EHMT1: variants seen among roughly 807,000 people sequenced by gnomAD.
EHMT1 encodes the protein euchromatic histone lysine methyltransferase 1.
In EHMT1, 15 loss-of-function variants were observed where a neutral mutation model predicts 147.2. The ratio of observed to expected loss-of-function variants is 0.10; its 90% CI spans 0.07 to 0.16. The LOEUF (loss-of-function observed/expected upper bound fraction) is 0.16. Ranked by LOEUF, EHMT1 falls within the 10% of genes least tolerant of loss-of-function variation. EHMT1 has a pLI of 1.00. For synonymous variants in EHMT1, 795 were observed against 709.6 expected (o/e 1.12, Z -1.91); for missense variants, 1,587 against 1,772.4 (o/e 0.90, Z 1.88).
intron 1 of EHMT1, among the ~76,000 whole-genome samples, chr9:137,675,364 T>C (rs1426059924): frequency 6.6e-6 from 1 of 152,156 alleles, no homozygotes; most frequent in Non-Finnish European, 1.5e-5. Flanking sequence ...AGCGGTGGAA[T>C]TTGATGGAAT....
At chr9:137,716,571 T>C in intron 2 of EHMT1, 55 bp from the exon 3 acceptor site, 2 of 1,485,086 alleles carry the variant, frequency 1.3e-6, no homozygotes, top group Non-Finnish European at 9.0e-7. Flanking sequence ...GTGGTGGTGG[T>C]GGTGCCATGG....
Position 137,743,898 on chromosome 9 carries a change from C to G in EHMT1, c.982-4C>G. 6.2e-7 allele frequency: 1 copy of G among 1,610,078 alleles called. No individual in the cohort carries two copies. Among genetic ancestry groups the G allele is most frequent in the South Asian group, 1.1e-5 (1 of 90,770 alleles). On this transcript the variant is annotated splice_polypyrimidine_tract_variant and splice_region_variant and intron_variant, in intron 5 of 26. Coordinates refer to ENST00000460843, the MANE Select transcript of EHMT1 (RefSeq NM_024757.5). Reference sequence around the variant, plus strand: ...CTTGGGGTATACACCTGCCCGTGTTCTAGGGGGAGAAGGACCTGGGCGCCA... The same window carrying G: ...CTTGGGGTATACACCTGCCCGTGTTGTAGGGGGAGAAGGACCTGGGCGCCA...
Position 137,786,450 on chromosome 9 carries a change from G to A in EHMT1, c.2382+4053G>A, listed in dbSNP as rs1242206454. ...TTTCTCAGGGTTTCAGCATCTGCAG[G>A]GGTGTCTCACATCTCACACACACTC... On this transcript the variant is annotated intron_variant, in intron 15 of 26. Coordinates refer to ENST00000460843, the MANE Select transcript of EHMT1 (RefSeq NM_024757.5). The surrounding 1 kb of genome is among the most constrained non-coding windows in gnomAD (Gnocchi z 4.3). 6.6e-6 allele frequency: 1 copy of A among 152,358 alleles called. No individual in the cohort carries two copies. Among genetic ancestry groups the A allele is most frequent in the Non-Finnish European group, 1.5e-5 (1 of 68,182 alleles). The allele number at this position is 152,358 out of a possible 1,614,324, so 9.4% of individuals were successfully genotyped here.
intron 18 of EHMT1, among the ~76,000 whole-genome samples, chr9:137,805,171 C>T (rs940193768): frequency 3.3e-5 from 5 of 151,696 alleles, no homozygotes; most frequent in Admixed American, 1.3e-4. Context: ...ATGTGTCATT[C>T]GTCCACGTGT....
At chr9:137,684,889 G>GT (rs1355827284) in intron 1 of EHMT1, among the ~76,000 whole-genome samples, 1 of 151,978 alleles carries the variant, frequency 6.6e-6, no homozygotes, top group Non-Finnish European at 1.5e-5. Flanking sequence ...GCTATGTCCT[G>GT]TTTTTTTACT....
intron 24 of EHMT1, 75 bp from the exon 25 acceptor site, chr9:137,817,985 G>A (rs1955060879): frequency 1.5e-5 from 21 of 1,385,792 alleles, no homozygotes; most frequent in East Asian, 6.8e-5. Context: ...CTGTGGCTGC[G>A]GAGTCTGGGC....
chr9:137,764,783 G>A (rs1950105432), intron 10 of EHMT1: 1 of 152,126 alleles, frequency 6.6e-6, no homozygotes, highest in Non-Finnish European at 1.5e-5. Flanking sequence ...TGTCTCTTAA[G>A]TCTTTTGTGT....
At chr9:137,641,742 G>A (rs148243357) in intron 1 of EHMT1, among the ~76,000 whole-genome samples, 238 of 152,314 alleles carry the variant, frequency 1.6e-3, no homozygotes, top group African/African-American at 5.2e-3. Flanking sequence ...GGGCAGAGAC[G>A]GGTGTTTGGG....
chr9:137,704,427 A>G (rs1008667690), intron 1 of EHMT1, among the ~76,000 whole-genome samples: 3 of 152,230 alleles, frequency 2.0e-5, no homozygotes, highest in African/African-American at 4.8e-5. Flanking sequence ...AGGATTTTCT[A>G]TTGGTTTTAA....
At chr9:137,773,993 A>C (rs987311369) in intron 10 of EHMT1, among the ~76,000 whole-genome samples, 3 of 152,102 alleles carry the variant, frequency 2.0e-5, no homozygotes, top group Admixed American at 6.5e-5. Flanking sequence ...CCACCTCCAC[A>C]GGCGCCTTCA....
intron 25 of EHMT1, among the ~76,000 whole-genome samples, chr9:137,819,475 G>A (rs11137249): frequency 5.6e-3 from 1 of 180 alleles, no homozygotes; most frequent in Non-Finnish European, 9.6e-3. Context: ...GAGGGGCGCC[G>A]TGTACCGAGA....
At chr9:137,699,674 C>CAA (rs34626207) in intron 1 of EHMT1, among the ~76,000 whole-genome samples, 2 of 130,000 alleles carry the variant, frequency 1.5e-5, no homozygotes, top group African/African-American at 2.7e-5. Context: ...GACTCTGTCT[C>CAA]AAAAAAAAAA....
intron 15 of EHMT1, chr9:137,785,539 G>A (rs1951892738): frequency 6.6e-6 from 1 of 152,146 alleles, no homozygotes; most frequent in African/African-American, 2.4e-5. Flanking sequence ...GGAATTCCAG[G>A]TTGCTGGTGG....
intron 1 of EHMT1, among the ~76,000 whole-genome samples, chr9:137,676,981 CAAG>C (rs1294117125): frequency 6.6e-6 from 1 of 152,004 alleles, no homozygotes; most frequent in Non-Finnish European, 1.5e-5. Flanking sequence ...GGTTGTGTGA[CAAG>C]AACCGGATTT....
At position 137,815,979 on chromosome 9, in the gene EHMT1, G is replaced by T; in HGVS notation, c.3291G>T (p.Ala1097=). The part of the protein sequence containing the change: ...DGRLLPEFNM[A]EPPLIFECNH... Reference sequence around the variant, plus strand: ...GGCTCCTGCCAGAGTTCAACATGGCGGAGCCTCCCTTGATCTTCGAATGCA... The same window carrying T: ...GGCTCCTGCCAGAGTTCAACATGGCTGAGCCTCCCTTGATCTTCGAATGCA... Residue 1097 remains alanine, a synonymous_variant, in exon 23 of 27, where the codon GCG becomes GCT. Transcript: ENST00000460843. 1 of 1,611,456 alleles carries T rather than the reference G, an allele frequency of 6.2e-7. No individual in the cohort carries two copies.
chr9:137,673,979 ATC>A (rs1002442537), intron 1 of EHMT1, among the ~76,000 whole-genome samples: 1 of 152,152 alleles, frequency 6.6e-6, no homozygotes, highest in African/African-American at 2.4e-5. Flanking sequence ...GGGCAGGACA[ATC>A]TGTTGTCTTG....
rs11137181 is a variant in EHMT1, at chr9:137,689,976, C to T, written c.22-20991C>T. 7.2e-4 allele frequency among the ~76,000 whole-genome samples: 109 copies of T among 152,282 alleles called. 2 individuals carry two copies. The East Asian group carries it at 0.02, about 27-fold the overall frequency. On this transcript the variant is annotated intron_variant, in intron 1 of 26. Coordinates refer to ENST00000460843, the MANE Select transcript of EHMT1 (RefSeq NM_024757.5). ...AGTCGTGGTGAACAGAAGCAGTGCA[C>T]GCATAGGCTCTCAGAAAGAACTTGC...
At chr9:137,806,608 G>A (rs1242820530) in intron 18 of EHMT1, among the ~76,000 whole-genome samples, 1 of 151,926 alleles carries the variant, frequency 6.6e-6, no homozygotes, top group Non-Finnish European at 1.5e-5. Flanking sequence ...GGAAATTTTT[G>A]TGTTTTTAGT....
chr9:137,680,415 G>A (rs1366122724), intron 1 of EHMT1, among the ~76,000 whole-genome samples: 1 of 152,234 alleles, frequency 6.6e-6, no homozygotes, highest in Admixed American at 6.5e-5. Flanking sequence ...AGAGGTTGCA[G>A]TGGGCTGAAA....
Sources: allele counts gnomAD v4.1 joint callset (sites outside exome capture counted in the v4.1 genomes callset), GRCh38; gene constraint gnomAD v4.1.1; non-coding constraint Gnocchi (gnomAD v3.1); transcripts MANE v1.5; gene names NCBI Gene and HGNC (gene_info 2026-07-23, HGNC 2026-07-21).